The following GALK1 variants were observed in gnomAD, a reference collection of about 807,000 sequenced individuals.
The protein encoded by GALK1 is galactokinase.
A neutral mutation model predicts 38.6 loss-of-function variants in GALK1; 30 were observed. The ratio of observed to expected loss-of-function variants is 0.78; its 90% confidence interval spans 0.58 to 1.05. GALK1 has a LOEUF of 1.05. Among genes scored for constraint, GALK1 ranks in the 50% least tolerant of loss-of-function variants. The probability of loss-of-function intolerance (pLI) is 0.00; values close to 1 mark genes in which losing one functional copy is unlikely to be tolerated. For synonymous variants in GALK1, 240 were observed against 233.6 expected (o/e 1.03, Z -0.25); for missense variants, 512 against 540.5 (o/e 0.95, Z 0.52).
rs2061602949 is a variant in GALK1, at chr17:75,764,677, C to T, written c.165+295G>A. On this transcript the variant is annotated intron_variant, in intron 1 of 7. Coordinates refer to ENST00000588479, the MANE Select transcript of GALK1 (RefSeq NM_000154.2). ...CCCTTCTGCGTGGCACACAGGGCCT[C>T]ACAGTTTAAGGGGAACATGCTCCCA... 12 of 562,784 alleles carry T rather than the reference C, an allele frequency of 2.1e-5. No homozygotes were observed. In the South Asian group the frequency reaches 2.3e-4, roughly 11 times the overall value. 34.9% of individuals were successfully genotyped at this position (562,784 alleles called of 1,614,324 possible). A position where few individuals can be genotyped will look rare whatever the true frequency, so the allele number is the denominator to read the frequency against.
At chr17:75,757,524 C>T (rs905374427), downstream of GALK1, 1 of 1,613,472 alleles carries the variant, frequency 6.2e-7, no homozygotes, top group East Asian at 2.2e-5. Flanking sequence ...ACCCTTAGCA[C>T]CCACATGGAC....
intron 8 of GALK1, among the ~76,000 whole-genome samples, chr17:75,752,782 C>T (rs906937995): frequency 1.3e-5 from 2 of 152,178 alleles, no homozygotes; most frequent in African/African-American, 2.4e-5. Flanking sequence ...CTTGTGCAAG[C>T]GCACATGAGT....
At chr17:75,754,025 G>A, downstream of GALK1, 3 of 845,860 alleles carry the variant, frequency 3.5e-6, no homozygotes, top group Non-Finnish European at 4.8e-6. Flanking sequence ...AGCCTCACTC[G>A]CGCCTGAGGG....
In GALK1 at chr17:75,763,140, G is replaced by C. The variant is rs555279924; in HGVS notation, c.485C>G (p.Thr162Arg). 23 of 1,611,774 alleles carry C rather than the reference G, an allele frequency of 1.4e-5. No individual in the cohort carries two copies. In the East Asian group the frequency reaches 2.0e-4, roughly 14 times the overall value. Reference sequence around the variant, plus strand: ...ACACACCTGGGCGCGGGCAGCTATTGTGCCCGAGTCTGCAGTACAGGGTGA... The same window carrying C: ...ACACACCTGGGCGCGGGCAGCTATTCTGCCCGAGTCTGCAGTACAGGGTGA... ...FLQQLCPDSG[T>R]IAARAQVCQQ... Residue 162 changes from threonine (T) to arginine (R), a missense_variant, in exon 4 of 8, where the codon ACA becomes AGA. Coordinates refer to ENST00000588479, the MANE Select transcript of GALK1 (RefSeq NM_000154.2).
rs775447865 is a variant in GALK1 at position 75,763,938 on chromosome 17, C to T, written c.314G>A (p.Arg105Gln). The change falls in exon 2 of 8, where the codon CGG becomes CAG. Residue 105 changes from arginine (R) to glutamine (Q), a missense_variant. Transcript: ENST00000588479. The stretch of plus-strand genomic sequence containing the variant: ...CACTCCCTTGACATAGTTGGCCCAC[C>T]GAGGAGTCCCAGGCTCCAGCGAGCG... Reference protein sequence around the residue: ...AQRSLEPGTPRWANYVKGVIQ... With the variant: ...AQRSLEPGTPQWANYVKGVIQ... The T allele has an allele frequency of 3.1e-6, 5 of 1,613,764 alleles. No individual in the cohort carries two copies. Among genetic ancestry groups the T allele is most frequent in the Non-Finnish European group, 4.2e-6 (5 of 1,180,004 alleles).
downstream of GALK1, chr17:75,754,777 C>G (rs752769046): frequency 2.5e-6 from 4 of 1,612,544 alleles, no homozygotes; most frequent in South Asian, 2.2e-5. Flanking sequence ...ACCACACTGC[C>G]CAGGGACTAC....
At chr17:75,757,419 G>A (rs1448303878), downstream of GALK1, 5 of 1,612,984 alleles carry the variant, frequency 3.1e-6, no homozygotes, top group Middle Eastern at 1.6e-4. Context: ...TCCACAGATG[G>A]GCTGACCCTG....
Position 75,758,076 on chromosome 17 carries a change from C to T in GALK1, c.1159G>A (p.Ala387Thr), listed in dbSNP as rs549837719. The T allele has an allele frequency of 2.3e-5, 37 of 1,612,812 alleles. No homozygotes were observed. In the East Asian group the frequency reaches 2.9e-4, roughly 13 times the overall value. The change falls in exon 8 of 8, where the codon GCC becomes ACC. Residue 387 changes from alanine to threonine, a missense_variant. Physicochemically the swap from Ala to Thr is moderately conservative, Grantham distance 58. Transcript: ENST00000588479. ...GTGCCTCACAAGCACAGCACCTTGG[C>T]TCCATCGGCTGCTTGAGAGAGGTAG... is the stretch of plus-strand genomic sequence containing the variant. ...TFYLSQAADG[A>T]KVLCL
intron 5 of GALK1, among the ~76,000 whole-genome samples, chr17:75,759,870 C>A (rs1451579374): frequency 1.3e-5 from 2 of 152,152 alleles, no homozygotes; most frequent in Non-Finnish European, 2.9e-5. Flanking sequence ...GCACGGCCAG[C>A]CAGTCAAGAG....
At chr17:75,756,860 G>A (rs748223473), downstream of GALK1, 17 of 1,612,164 alleles carry the variant, frequency 1.1e-5, no homozygotes, top group Non-Finnish European at 2.5e-6. Flanking sequence ...CAAGGAGGAG[G>A]TGCTGCCCAC....
downstream of GALK1, chr17:75,754,824 C>G (rs772817902): frequency 1.2e-6 from 2 of 1,613,924 alleles, no homozygotes; most frequent in Non-Finnish European, 1.7e-6. Context: ...CGGTGAGTGA[C>G]CTCAGCCAAC....
In GALK1 at chr17:75,763,111, G is replaced by C. The variant is rs767799179; in HGVS notation, c.514C>G (p.Gln172Glu). 6.2e-7 allele frequency: 1 copy of C among 1,612,302 alleles called. No individual in the cohort carries two copies. Residue 172 changes from glutamine to glutamate, a missense_variant, in exon 4 of 8, where the codon CAG (glutamine) becomes GAG (glutamate). Transcript: ENST00000588479. ...ATCCCTGCGAAGCTGTGCTCGGCCT[G>C]CTGACACACCTGGGCGCGGGCAGCT... ...TIAARAQVCQ[Q>E]AEHSFAGMPC... is the part of the protein sequence containing the mutation.
At chr17:75,751,731 A>ACTC (rs1474242081) in exon 9 of GALK1, 1 of 238,010 alleles carries the variant, frequency 4.2e-6, no homozygotes, top group African/African-American at 2.3e-5. Context: ...ACAGAGCCAG[A>ACTC]CTCCGTCTAA....
chr17:75,762,512 T>G lies in GALK1; in HGVS notation c.793+192A>C, dbSNP rs374269668. ...ACAATGGAAACATGATTTTTCTGAT[T>G]AGATAAGACCATTTTAGGATTTCAA... On this transcript the variant is annotated intron_variant, in intron 5 of 7. Transcript: ENST00000588479. Among the ~76,000 whole-genome samples, 1,291 of 152,314 alleles carry G rather than the reference T, an allele frequency of 8.5e-3. 6 individuals carry two copies. Among genetic ancestry groups the G allele is most frequent in the Non-Finnish European group, 0.014 (956 of 68,032 alleles).
chr17:75,756,500 C>T (rs866448603), downstream of GALK1: 4 of 1,613,372 alleles, frequency 2.5e-6, no homozygotes, highest in African/African-American at 2.7e-5. Context: ...CCTGCCCAAC[C>T]ACTCCTACGT....
chr17:75,756,260 C>T (rs1403544374), downstream of GALK1, among the ~76,000 whole-genome samples: 1 of 152,152 alleles, frequency 6.6e-6, no homozygotes, highest in Admixed American at 6.5e-5. Context: ...TTGTATAGTA[C>T]ACAATCTGAA....
chr17:75,757,159 T>C (rs1010504091), downstream of GALK1: 4 of 1,612,138 alleles, frequency 2.5e-6, no homozygotes, highest in African/African-American at 5.3e-5. Context: ...CCGTGCCTCC[T>C]TCTGGCACCA....
At chr17:75,755,347 C>A (rs2603501), downstream of GALK1, 1 of 947,512 alleles carries the variant, frequency 1.1e-6, no homozygotes, top group Non-Finnish European at 1.6e-6. Flanking sequence ...CCCACAGGCG[C>A]TAACCACCTG....
chr17:75,762,885 C>T lies in GALK1; in HGVS notation c.612G>A (p.Arg204=), dbSNP rs1305082057. 1 of 1,613,264 alleles carries T rather than the reference C, an allele frequency of 6.2e-7. No homozygotes were observed. The highest frequency in any genetic ancestry group is 1.1e-5 in the South Asian group (1 of 91,088). Residue 204 remains arginine (R), a splice_region_variant and synonymous_variant, in exon 5 of 8, where the codon AGG becomes AGA. Coordinates refer to ENST00000588479, the MANE Select transcript of GALK1 (RefSeq NM_000154.2). ...QKGHALLIDC[R]SLETSLVPLS... is the part of the protein sequence containing the mutation. ...GTGGCACCAGGCTGGTCTCCAAGGA[C>T]CTGGGGTGGAGTTACAATGGGGGAG...
Sources: allele counts gnomAD v4.1 joint callset (sites outside exome capture counted in the v4.1 genomes callset), GRCh38; gene constraint gnomAD v4.1.1; transcripts MANE v1.5; gene names NCBI Gene and HGNC (gene_info 2026-07-23, HGNC 2026-07-21).